WNT2B: variants seen among roughly 807,000 people sequenced by gnomAD.
The protein encoded by WNT2B is Wnt family member 2B, also known as protein Wnt-2b.
WNT2B carries 19 observed loss-of-function variants against 40.5 expected under a neutral mutation model. The observed-to-expected ratio is 0.47, with a 90% CI of 0.33 to 0.69. The LOEUF is 0.69. WNT2B is among the 30% of genes least tolerant of loss of function. WNT2B has a pLI of 0.02. For synonymous variants in WNT2B, 220 were observed against 211.9 expected (o/e 1.04, Z -0.33); for missense variants, 467 against 556.4 (o/e 0.84, Z 1.62).
rs1209302010 is a variant in WNT2B, at chr1:112,528,651, T to G, written c.*8142T>G. On this transcript the variant is annotated 3_prime_UTR_variant, in exon 5 of 5. Transcript: ENST00000369684. ...AGGCTTACAGGCCCAGAACCTGGCA[T>G]AAATCAAGCCAAACCCTTAAGAAAT... is the stretch of plus-strand genomic sequence containing the variant. The G allele has an allele frequency of 3.3e-5, 5 of 152,214 alleles. No individual in the cohort carries two copies. Among genetic ancestry groups the G allele is most frequent in the Non-Finnish European group, 1.5e-5 (1 of 68,030 alleles). 9.4% of individuals were successfully genotyped at this position (152,214 alleles called of 1,614,324 possible). A position where few individuals can be genotyped will look rare whatever the true frequency, so the allele number is the denominator to read the frequency against.
At chr1:112,480,523 A>G (rs1570765425) in intron 1 of WNT2B, among the ~76,000 whole-genome samples, 1 of 152,126 alleles carries the variant, frequency 6.6e-6, no homozygotes, top group East Asian at 1.9e-4. Context: ...AACCTACCAA[A>G]ACTGAAGCAA....
chr1:112,484,440 T>TTTTTTG (rs1413965209), intron 1 of WNT2B, among the ~76,000 whole-genome samples: 53 of 151,150 alleles, frequency 3.5e-4, no homozygotes, highest in African/African-American at 1.1e-3. Flanking sequence ...GGCTAATTTT[T>TTTTTTG]TTTTTGTTTT....
chr1:112,506,637 AG>A (rs1325902751), upstream of WNT2B, among the ~76,000 whole-genome samples: 1 of 152,164 alleles, frequency 6.6e-6, no homozygotes, highest in Admixed American at 6.5e-5. Flanking sequence ...GAGTGGTCCA[AG>A]GAAAGAGGCC....
At chr1:112,468,032 C>T (rs1176345003) in intron 1 of WNT2B, among the ~76,000 whole-genome samples, 2 of 152,166 alleles carry the variant, frequency 1.3e-5, no homozygotes, top group African/African-American at 2.4e-5. Context: ...AGTTTTTTAG[C>T]TCCCACATAT....
rs758607059 is a variant in WNT2B at position 112,491,088 on chromosome 1, G to A, written c.-95+23497G>A. On this transcript the variant is annotated intron_variant, in intron 1 of 4. Coordinates refer to the WNT2B transcript ENST00000256640. The stretch of plus-strand genomic sequence containing the variant: ...TCAACAAGTGTTTGCAAAGGTACAT[G>A]ATAATTAAAATGTCAGATAACCAAT... 6.0e-5 allele frequency: 97 copies of A among 1,612,942 alleles called. 1 individual carries two copies. In the Admixed American group the frequency reaches 1.6e-3, roughly 26 times the overall value.
chr1:112,516,493 A>C (rs1223968719), intron 3 of WNT2B, 76 bp downstream of exon 3: 2 of 1,523,732 alleles, frequency 1.3e-6, no homozygotes, highest in African/African-American at 1.4e-5. Flanking sequence ...GACTAAATAA[A>C]TGTGAAGATG....
At chr1:112,472,730 A>G (rs1650919533) in intron 1 of WNT2B, among the ~76,000 whole-genome samples, 1 of 152,148 alleles carries the variant, frequency 6.6e-6, no homozygotes, top group Admixed American at 6.5e-5. Context: ...AATATGGCAA[A>G]TAATTAGAAG....
chr1:112,496,326 G>T (rs556975474), intron 1 of WNT2B, among the ~76,000 whole-genome samples: 1 of 152,072 alleles, frequency 6.6e-6, no homozygotes, highest in African/African-American at 2.4e-5. Flanking sequence ...ATTTTAGAAG[G>T]GATGCATTCT....
At chr1:112,496,643 C>G (rs1255489687) in intron 1 of WNT2B, among the ~76,000 whole-genome samples, 1 of 151,872 alleles carries the variant, frequency 6.6e-6, no homozygotes, top group African/African-American at 2.4e-5. Flanking sequence ...TCTTGTTGCC[C>G]AGGCTGGAGC....
At chr1:112,502,070 C>T (rs1021730667) in intron 1 of WNT2B, among the ~76,000 whole-genome samples, 1 of 152,266 alleles carries the variant, frequency 6.6e-6, no homozygotes, top group African/African-American at 2.4e-5. Context: ...GCTCAGCGTT[C>T]TCCTCCGGGG....
intron 1 of WNT2B, among the ~76,000 whole-genome samples, chr1:112,470,958 G>A (rs1452020527): frequency 6.6e-6 from 1 of 152,200 alleles, no homozygotes; most frequent in Non-Finnish European, 1.5e-5. Flanking sequence ...TTGGTGTGTG[G>A]CACCATCCTT....
intron 1 of WNT2B, among the ~76,000 whole-genome samples, chr1:112,490,585 G>A (rs1651567395): frequency 1.3e-5 from 2 of 151,824 alleles, no homozygotes; most frequent in African/African-American, 4.8e-5. Flanking sequence ...CGCCTCCCGG[G>A]TTCACGCCAT....
chr1:112,481,364 A>C (rs1203674330), intron 1 of WNT2B, among the ~76,000 whole-genome samples: 1 of 152,200 alleles, frequency 6.6e-6, no homozygotes, highest in African/African-American at 2.4e-5. Flanking sequence ...TACAATATCT[A>C]TTCATGACTC....
chr1:112,482,574 C>T (rs949062908), intron 1 of WNT2B, among the ~76,000 whole-genome samples: 2 of 152,154 alleles, frequency 1.3e-5, no homozygotes, highest in Admixed American at 6.5e-5. Flanking sequence ...CTCAAGCAAT[C>T]CTCCTGCCTC....
chr1:112,499,480 G>A (rs1353569888), intron 1 of WNT2B, among the ~76,000 whole-genome samples: 1 of 152,088 alleles, frequency 6.6e-6, no homozygotes, highest in African/African-American at 2.4e-5. Flanking sequence ...GATATGCAAG[G>A]CTGATTCAAC....
intron 1 of WNT2B, among the ~76,000 whole-genome samples, chr1:112,492,511 C>T (rs1405483177): frequency 6.6e-6 from 1 of 152,184 alleles, no homozygotes; most frequent in East Asian, 1.9e-4. Flanking sequence ...TGAGTTTTAC[C>T]TCCTAGAGCT....
In WNT2B at chr1:112,512,451, A is replaced by G. The variant is rs1055129933; in HGVS notation, c.183-2423A>G. 4.6e-5 allele frequency among the ~76,000 whole-genome samples: 7 copies of G among 152,242 alleles called. 1 individual carries two copies. The South Asian group carries it at 8.3e-4, about 18-fold the overall frequency. On this transcript the variant is annotated intron_variant, in intron 1 of 4. Transcript: ENST00000369684. ...GTCTGCATTTCTAACGAATCCCCACATGATACAGATACTGCTGTTCTGGGG... is the reference window on the plus strand; with the variant it reads ...GTCTGCATTTCTAACGAATCCCCACGTGATACAGATACTGCTGTTCTGGGG...
Position 112,526,051 on chromosome 1 carries a change from C to G in WNT2B, c.*5542C>G. On this transcript the variant is annotated 3_prime_UTR_variant, in exon 5 of 5. Transcript: ENST00000369684. ...AAACCTAGGTCTTCTGACTTCAAAT[C>G]CTGTGTATTCTCCTCAAAGCCTGAG... The G allele has an allele frequency of 1.2e-6, 2 of 1,614,176 alleles. No homozygotes were observed. Among genetic ancestry groups the G allele is most frequent in the Non-Finnish European group, 1.7e-6 (2 of 1,180,044 alleles).
intron 1 of WNT2B, among the ~76,000 whole-genome samples, chr1:112,480,555 C>T (rs995283500): frequency 2.6e-4 from 40 of 151,240 alleles, no homozygotes; most frequent in African/African-American, 9.3e-4. Context: ...CCTGAACAGA[C>T]CAATAAAAAA....
Sources: allele counts gnomAD v4.1 joint callset (sites outside exome capture counted in the v4.1 genomes callset), GRCh38; gene constraint gnomAD v4.1.1; transcripts MANE v1.5; gene names NCBI Gene and HGNC (gene_info 2026-07-23, HGNC 2026-07-21).